Variants in KCTD8 observed in about 807,000 individuals in gnomAD.
KCTD8 encodes BTB/POZ domain-containing protein KCTD8.
In KCTD8, 27 loss-of-function variants were observed where a neutral mutation model predicts 31.5. The ratio of observed to expected loss-of-function variants is 0.86; its 90% CI spans 0.63 to 1.18. The LOEUF (loss-of-function observed/expected upper bound fraction) is 1.18. Ranked by LOEUF, KCTD8 falls within the 50% of genes most tolerant of loss-of-function variation. The probability of loss-of-function intolerance (pLI) is 0.00; values close to 1 mark genes in which losing one functional copy is unlikely to be tolerated. For synonymous variants in KCTD8, 290 were observed against 280.0 expected (o/e 1.04, Z -0.36); for missense variants, 658 against 647.7 (o/e 1.02, Z -0.17).
At chr4:44,229,045 A>G (rs1180197872) in intron 1 of KCTD8, among the ~76,000 whole-genome samples, 2 of 152,196 alleles carry the variant, frequency 1.3e-5, no homozygotes, top group Non-Finnish European at 2.9e-5. Flanking sequence ...CAAGTTGAAT[A>G]AATGCTTTGT....
chr4:44,410,808 T>C (rs998429677), intron 1 of KCTD8, among the ~76,000 whole-genome samples: 1 of 152,108 alleles, frequency 6.6e-6, no homozygotes, highest in African/African-American at 2.4e-5. Context: ...CAATGACCTC[T>C]CACCATGTCA....
At chr4:44,431,134 T>C (rs996239592) in intron 1 of KCTD8, among the ~76,000 whole-genome samples, 9 of 151,692 alleles carry the variant, frequency 5.9e-5, no homozygotes, top group South Asian at 2.1e-4. Context: ...ACAAAGTTAA[T>C]CCCCCTTAAT....
At chr4:44,415,339 T>G (rs1018996644) in intron 1 of KCTD8, among the ~76,000 whole-genome samples, 1 of 152,154 alleles carries the variant, frequency 6.6e-6, no homozygotes, top group African/African-American at 2.4e-5. Context: ...TTGAAAAATT[T>G]GCAGGCTGGC....
chr4:44,419,940 C>T (rs966431398), intron 1 of KCTD8, among the ~76,000 whole-genome samples: 8 of 151,696 alleles, frequency 5.3e-5, no homozygotes, highest in Admixed American at 1.3e-4. Flanking sequence ...GAACAAAAAC[C>T]GCTGGGAGTG....
chr4:44,227,888 A>T (rs942862633), intron 1 of KCTD8, among the ~76,000 whole-genome samples: 5 of 152,122 alleles, frequency 3.3e-5, no homozygotes, highest in African/African-American at 1.2e-4. Flanking sequence ...CGTCCTATTT[A>T]TTCTAATATA....
intron 1 of KCTD8, among the ~76,000 whole-genome samples, chr4:44,340,009 T>C (rs1278053693): frequency 6.6e-6 from 1 of 151,780 alleles, no homozygotes; most frequent in African/African-American, 2.4e-5. Flanking sequence ...ACAAAAATGG[T>C]CAATAAGCAC....
rs749150310 is a variant in KCTD8, at chr4:44,448,053, G to A, written c.471C>T (p.Asn157=). ...CCAGGTCGCTCTGGCAGCCCTCGTC[G>A]TTGAGAGAGTTCTGCTTGGTGACCT... ...SPKVTKQNSL[N]DEGCQSDLED... The change falls in exon 1 of 2, where the codon AAC becomes AAT. Residue 157 remains asparagine (N), a synonymous_variant. Transcript: ENST00000360029. The surrounding 1 kb of genome is among the most constrained non-coding windows in gnomAD (Gnocchi z 4.1). The A allele has an allele frequency of 1.1e-5, 17 of 1,611,858 alleles. No individual in the cohort carries two copies. In the South Asian group the frequency reaches 1.7e-4, roughly 16 times the overall value.
intron 1 of KCTD8, among the ~76,000 whole-genome samples, chr4:44,199,839 C>G (rs79179458): frequency 6.6e-6 from 1 of 151,388 alleles, no homozygotes; most frequent in Non-Finnish European, 1.5e-5. Flanking sequence ...TGCAAAAGAC[C>G]ATACAAAAGA....
intron 1 of KCTD8, among the ~76,000 whole-genome samples, chr4:44,380,739 T>G (rs1163096628): frequency 6.6e-6 from 1 of 151,970 alleles, no homozygotes; most frequent in Non-Finnish European, 1.5e-5. Flanking sequence ...CAATTTGCTC[T>G]ATCATGTTAT....
At position 44,189,538 on chromosome 4, in the gene KCTD8, C is replaced by T. The variant is rs572110639; in HGVS notation, c.962-14288G>A. Among the ~76,000 whole-genome samples the T allele has an allele frequency of 1.0e-3, 152 of 151,942 alleles. 1 individual carries two copies. Among genetic ancestry groups the T allele is most frequent in the African/African-American group, 3.5e-3 (145 of 41,424 alleles). On this transcript the variant is annotated intron_variant, in intron 1 of 1. Transcript: ENST00000360029. Reference sequence around the variant, plus strand: ...TATAGATCAACCATTATTGGAATAACGAGGTTAATAGGGATAGCCACTTCA... The same window carrying T: ...TATAGATCAACCATTATTGGAATAATGAGGTTAATAGGGATAGCCACTTCA...
chr4:44,443,824 G>C (rs372938528), intron 1 of KCTD8, among the ~76,000 whole-genome samples: 20 of 152,090 alleles, frequency 1.3e-4, no homozygotes, highest in African/African-American at 4.3e-4. Context: ...CACATTCCAG[G>C]CATGTTATCT....
intron 1 of KCTD8, among the ~76,000 whole-genome samples, chr4:44,355,794 A>C (rs1458149183): frequency 6.6e-6 from 1 of 152,164 alleles, no homozygotes; most frequent in Non-Finnish European, 1.5e-5. Flanking sequence ...ACAGTTCTTC[A>C]TTTTATAATA....
chr4:44,292,523 T>C (rs1299084482), intron 1 of KCTD8, among the ~76,000 whole-genome samples: 2 of 152,138 alleles, frequency 1.3e-5, no homozygotes, highest in African/African-American at 4.8e-5. Context: ...TAGGGTACTA[T>C]GCTCTCTACC....
intron 1 of KCTD8, among the ~76,000 whole-genome samples, chr4:44,242,656 T>C (rs554740562): frequency 6.6e-6 from 1 of 152,078 alleles, no homozygotes; most frequent in African/African-American, 2.4e-5. Flanking sequence ...CTCTCCCCCA[T>C]AGTGAAATTT....
chr4:44,436,904 T>TTCC (rs1402399945), intron 1 of KCTD8, among the ~76,000 whole-genome samples: 1 of 152,104 alleles, frequency 6.6e-6, no homozygotes, highest in Non-Finnish European at 1.5e-5. Flanking sequence ...TGCTGGCACC[T>TTCC]TCCTCCAAAA....
intron 1 of KCTD8, among the ~76,000 whole-genome samples, chr4:44,230,474 A>T (rs1315394647): frequency 6.6e-6 from 1 of 152,218 alleles, no homozygotes; most frequent in African/African-American, 2.4e-5. Flanking sequence ...TGCATCATAT[A>T]GTTATTCCCA....
chr4:44,179,626 T>C lies in KCTD8; in HGVS notation c.962-4376A>G, dbSNP rs1242693396. On this transcript the variant is annotated intron_variant, in intron 1 of 1. Coordinates refer to ENST00000360029, the MANE Select transcript of KCTD8 (RefSeq NM_198353.3). ...CAGACCAAACAGATTCGGAGGTTTA[T>C]ATAATGACTTAAAAGAGAATGCTTG... 5.9e-5 allele frequency among the ~76,000 whole-genome samples: 9 copies of C among 151,782 alleles called. No homozygotes were observed. The East Asian group carries it at 1.4e-3, about 23-fold the overall frequency.
intron 1 of KCTD8, among the ~76,000 whole-genome samples, chr4:44,349,137 C>A (rs1048593977): frequency 2.0e-5 from 3 of 148,904 alleles, no homozygotes; most frequent in African/African-American, 7.3e-5. Context: ...ACAGCTCTAG[C>A]AACCATCTTC....
chr4:44,299,182 T>A (rs1400511956), intron 1 of KCTD8, among the ~76,000 whole-genome samples: 1 of 152,156 alleles, frequency 6.6e-6, no homozygotes, highest in Non-Finnish European at 1.5e-5. Flanking sequence ...GGTAACTCCA[T>A]CACCCAAAGG....
Sources: gnomAD v4.1 joint callset for allele counts (sites outside exome capture counted in the v4.1 genomes callset) on GRCh38, gnomAD v4.1.1 for gene constraint, Gnocchi (gnomAD v3.1) non-coding constraint, MANE v1.5 for transcripts, NCBI Gene and HGNC (gene_info 2026-07-23, HGNC 2026-07-21) for gene names.